The following ZFYVE27 variants were observed in gnomAD, a reference collection of about 807,000 sequenced individuals.
The protein encoded by ZFYVE27 is protrudin.
In ZFYVE27, 36 loss-of-function variants were observed where a neutral mutation model predicts 52.8. The ratio of observed to expected loss-of-function variants is 0.68; its 90% CI spans 0.52 to 0.90. The LOEUF is 0.90. Among genes scored for constraint, ZFYVE27 ranks in the 40% least tolerant of loss-of-function variants. The probability of loss-of-function intolerance (pLI) is 0.00; values close to 1 mark genes in which losing one functional copy is unlikely to be tolerated. For missense variants in ZFYVE27, 450 were observed against 527.2 expected (o/e 0.85, Z 1.43); for synonymous variants, 223 against 215.6 (o/e 1.03, Z -0.30).
chr10:97,756,858 T>C (rs1311686265), intron 10 of ZFYVE27, among the ~76,000 whole-genome samples: 2 of 152,170 alleles, frequency 1.3e-5, no homozygotes, highest in Non-Finnish European at 2.9e-5. Context: ...CTTTAGCCTG[T>C]GGGTGGAGTA....
intron 11 of ZFYVE27, 136 bp from the exon 12 acceptor site, chr10:97,757,506 C>G (rs886237055): frequency 6.3e-6 from 8 of 1,264,584 alleles, no homozygotes; most frequent in Admixed American, 1.7e-5. Flanking sequence ...TCCATTTGCT[C>G]TCTTTCCTGC....
intron 5 of ZFYVE27, 78 bp from the exon 6 acceptor site, chr10:97,749,396 C>G: frequency 9.4e-7 from 1 of 1,062,180 alleles, no homozygotes; most frequent in Non-Finnish European, 1.5e-6. Context: ...CACCTGGACC[C>G]TGCTGTGGGT....
At chr10:97,741,770 A>C (rs569857035) in intron 2 of ZFYVE27, among the ~76,000 whole-genome samples, 1 of 152,374 alleles carries the variant, frequency 6.6e-6, no homozygotes, top group South Asian at 2.1e-4. Flanking sequence ...AATAATAAAA[A>C]AAAGTAAAAG....
chr10:97,750,309 T>C, intron 6 of ZFYVE27, 22 bp from the exon 7 acceptor site: 1 of 1,613,476 alleles, frequency 6.2e-7, no homozygotes. Context: ...GCCTCCTACC[T>C]TGTTCTCCAT....
chr10:97,750,610 A>G, intron 7 of ZFYVE27, 140 bp downstream of exon 7: 1 of 1,149,696 alleles, frequency 8.7e-7, no homozygotes, highest in South Asian at 1.5e-5. Flanking sequence ...GTGTTCAATA[A>G]TAATAATTGT....
At chr10:97,757,373 G>A (rs1173852494) in intron 11 of ZFYVE27, 62 bp downstream of exon 11, 9 of 1,609,238 alleles carry the variant, frequency 5.6e-6, no homozygotes, top group African/African-American at 1.3e-5. Context: ...GGGTGGGGAG[G>A]AGTTGAGGGG....
At position 97,750,295 on chromosome 10, in the gene ZFYVE27, T is replaced by C. The variant is rs761562924; in HGVS notation, c.665-36T>C. The C allele has an allele frequency of 3.7e-6, 6 of 1,612,718 alleles. No homozygotes were observed. In the African/African-American group the frequency reaches 8.0e-5, roughly 22 times the overall value. On this transcript the variant is annotated intron_variant, in intron 6 of 12. Coordinates refer to ENST00000684270, the MANE Select transcript of ZFYVE27 (RefSeq NM_001385875.1). ...TAAAGTGCCACTCACGGTGTCTCAT[T>C]TTTGCCTCCTACCTTGTTCTCCATT...
At position 97,759,117 on chromosome 10, in the gene ZFYVE27, G is replaced by A. The variant is rs10882996; in HGVS notation, c.1172-119G>A. The stretch of plus-strand genomic sequence containing the variant: ...GCGGGCAGGCTAGCAAGCTGGGCAG[G>A]GAGGGTGTGGGCTGGGTGGGGGGTC... On this transcript the variant is annotated intron_variant, in intron 12 of 12. Transcript: ENST00000684270. 0.72 allele frequency: 752,431 copies of A among 1,051,992 alleles called. 275,666 individuals carry two copies. Among genetic ancestry groups the A allele is most frequent in the Non-Finnish European group, 0.77 (525,383 of 685,062 alleles). 65.2% of individuals were successfully genotyped at this position (1,051,992 alleles called of 1,614,324 possible).
chr10:97,737,162 G>C lies in ZFYVE27; in HGVS notation c.-161G>C, dbSNP rs2042297542. 6.6e-6 allele frequency: 1 copy of C among 152,530 alleles called. No individual in the cohort carries two copies. Among genetic ancestry groups the C allele is most frequent in the Non-Finnish European group, 1.5e-5 (1 of 68,282 alleles). 9.4% of individuals were successfully genotyped at this position (152,530 alleles called of 1,614,324 possible). On this transcript the variant is annotated 5_prime_UTR_variant, in exon 1 of 13. Transcript: ENST00000684270. The stretch of plus-strand genomic sequence containing the variant: ...CCCGGAAGCGGCGGTGGCGGCCGCG[G>C]CGTAGGCGGAGGAGATTTTCGGACC...
chr10:97,758,260 C>G, intron 12 of ZFYVE27: 1 of 152,010 alleles, frequency 6.6e-6, no homozygotes. Flanking sequence ...AAAGCACATG[C>G]ATATTCCTGA....
At chr10:97,753,650 G>A (rs573541369) in intron 10 of ZFYVE27, among the ~76,000 whole-genome samples, 17 of 152,264 alleles carry the variant, frequency 1.1e-4, no homozygotes, top group African/African-American at 3.6e-4. Context: ...TACCTCATAG[G>A]GTTGTTACAG....
At chr10:97,748,395 C>G (rs780681741) in intron 5 of ZFYVE27, 31 bp downstream of exon 5, 5 of 1,607,028 alleles carry the variant, frequency 3.1e-6, no homozygotes, top group Non-Finnish European at 4.3e-6. Flanking sequence ...CGCCACCACC[C>G]TATAGGAATT....
intron 12 of ZFYVE27, among the ~76,000 whole-genome samples, chr10:97,758,674 T>C (rs1403292696): frequency 1.3e-5 from 2 of 152,184 alleles, no homozygotes; most frequent in East Asian, 1.9e-4. Context: ...ACTAGAAAAT[T>C]TGGAAATTAT....
At chr10:97,739,891 T>TTGTTTTTTGTTTTTG (rs2043150536) in intron 2 of ZFYVE27, among the ~76,000 whole-genome samples, 1 of 151,802 alleles carries the variant, frequency 6.6e-6, no homozygotes, top group Non-Finnish European at 1.5e-5. Context: ...AAGTGTTTTT[T>TTGTTTTTTGTTTTTG]TTTTTTTTTG....
chr10:97,746,898 C>T (rs2045594181), intron 4 of ZFYVE27, among the ~76,000 whole-genome samples: 1 of 151,928 alleles, frequency 6.6e-6, no homozygotes, highest in South Asian at 2.1e-4. Flanking sequence ...ATTGTCTTGC[C>T]CAGGCTGGCC....
intron 4 of ZFYVE27, among the ~76,000 whole-genome samples, chr10:97,747,107 T>G (rs1353202873): frequency 6.6e-6 from 1 of 152,212 alleles, no homozygotes; most frequent in Non-Finnish European, 1.5e-5. Context: ...TCCTCAGTCC[T>G]TGTTTCTTGT....
Position 97,748,272 on chromosome 10 carries a change from G to C in ZFYVE27, c.459G>C (p.Leu153Phe). 1 of 1,613,996 alleles carries C rather than the reference G, an allele frequency of 6.2e-7. No individual in the cohort carries two copies. Among genetic ancestry groups the C allele is most frequent in the Non-Finnish European group, 8.5e-7 (1 of 1,180,028 alleles). The change falls in exon 5 of 13, where the codon TTG becomes TTC. Residue 153 changes from leucine to phenylalanine, a missense_variant. Physicochemically the swap from Leu to Phe is conservative, Grantham distance 22. Transcript: ENST00000684270. The stretch of plus-strand genomic sequence containing the variant: ...ACCAAAGCCCCTGTGTCTGTAGCTT[G>C]ATCCAGCTGGAGGCCTTCCTGAGCC... The part of the protein sequence containing the change: ...PEAVAEVKSF[L>F]IQLEAFLSRL...
chr10:97,749,091 C>A (rs2046253290), intron 5 of ZFYVE27, among the ~76,000 whole-genome samples: 2 of 152,194 alleles, frequency 1.3e-5, no homozygotes, highest in Admixed American at 6.5e-5. Context: ...CTACTTCAGT[C>A]CCCATCTTAC....
At chr10:97,744,065 G>A (rs1351972570) in intron 3 of ZFYVE27, among the ~76,000 whole-genome samples, 5 of 152,174 alleles carry the variant, frequency 3.3e-5, no homozygotes, top group Non-Finnish European at 7.3e-5. Flanking sequence ...CTCATTTTCT[G>A]TTTCTTAGTT....
Sources: allele counts gnomAD v4.1 joint callset (sites outside exome capture counted in the v4.1 genomes callset), GRCh38; gene constraint gnomAD v4.1.1; transcripts MANE v1.5; gene names NCBI Gene and HGNC (gene_info 2026-07-23, HGNC 2026-07-21).